Variants in ZC3H12B observed in about 807,000 individuals in gnomAD.
ZC3H12B encodes the protein probable ribonuclease ZC3H12B.
ZC3H12B carries 7 observed loss-of-function variants against 43.9 expected under a neutral mutation model. The ratio of observed to expected loss-of-function variants is 0.16; its 90% CI spans 0.09 to 0.30. The LOEUF is 0.30. Ranked by LOEUF, ZC3H12B falls within the 10% of genes least tolerant of loss-of-function variation. The pLI is 1.00. For synonymous variants in ZC3H12B, 222 were observed against 241.7 expected (o/e 0.92, Z 0.76); for missense variants, 475 against 670.2 (o/e 0.71, Z 3.22).
At chrX:65,190,803 C>A in the ZC3H12B span, among the ~76,000 whole-genome samples, 1 of 104,804 alleles carries the variant, frequency 9.5e-6, no homozygotes, top group Non-Finnish European at 1.9e-5. Flanking sequence ...CTTCTCCTGC[C>A]TAATTGCCCT....
At chrX:65,348,409 A>G in the ZC3H12B span, among the ~76,000 whole-genome samples, 1 of 111,723 alleles carries the variant, frequency 9.0e-6, no homozygotes, top group Non-Finnish European at 1.9e-5. Context: ...CTCCAGAAAC[A>G]TACCAAATTG....
chrX:65,448,020 C>T (rs1422907222), intron 3 of ZC3H12B, among the ~76,000 whole-genome samples: 1 of 110,768 alleles, frequency 9.0e-6, no homozygotes, highest in Non-Finnish European at 1.9e-5. Context: ...ATCACGAGGT[C>T]AGGAGATCGA....
At chrX:65,378,801 C>A (rs898426973) in intron 2 of ZC3H12B, among the ~76,000 whole-genome samples, 2 of 112,757 alleles carry the variant, frequency 1.8e-5, no homozygotes, top group African/African-American at 3.2e-5. Flanking sequence ...TCGGGAAGTG[C>A]AAGGGGTCAG....
At chrX:65,252,547 G>A in the ZC3H12B span, among the ~76,000 whole-genome samples, 1 of 111,638 alleles carries the variant, frequency 9.0e-6, no homozygotes, top group Non-Finnish European at 1.9e-5. Context: ...AAACTTAAGG[G>A]AATTTCCAAA....
chrX:65,199,794 GTAGCTGCAGTATAC>G, the ZC3H12B span, among the ~76,000 whole-genome samples: 3 of 65,197 alleles, frequency 4.6e-5, no homozygotes, highest in African/African-American at 1.2e-4. Flanking sequence ...TTTTTTTTTT[GTAGCTGCAGTATAC>G]CATGGTGTAT....
chrX:65,337,880 C>G, the ZC3H12B span, among the ~76,000 whole-genome samples: 1 of 112,468 alleles, frequency 8.9e-6, no homozygotes, highest in Non-Finnish European at 1.9e-5. Flanking sequence ...TTAGTACTCA[C>G]AAGGGGATAT....
chrX:65,226,360 G>T, the ZC3H12B span, among the ~76,000 whole-genome samples: 1 of 111,150 alleles, frequency 9.0e-6, no homozygotes, highest in Non-Finnish European at 1.9e-5. Context: ...CTAAAAGAGC[G>T]CCTGAAGGAA....
chrX:65,212,170 A>AATATAAT, the ZC3H12B span, among the ~76,000 whole-genome samples: 1 of 48,895 alleles, frequency 2.0e-5, no homozygotes, highest in African/African-American at 8.3e-5. Flanking sequence ...TATAATATAT[A>AATATAAT]ATATTATATA....
At chrX:65,212,863 C>T in the ZC3H12B span, among the ~76,000 whole-genome samples, 1 of 105,457 alleles carries the variant, frequency 9.5e-6, no homozygotes, top group Non-Finnish European at 1.9e-5. Context: ...CTGGAATGTA[C>T]TGGATAGTCT....
At chrX:65,291,003 G>A in the ZC3H12B span, among the ~76,000 whole-genome samples, 1 of 111,315 alleles carries the variant, frequency 9.0e-6, no homozygotes, top group African/African-American at 3.3e-5. Context: ...TAAATACCGT[G>A]ACTTGATCAC....
the ZC3H12B span, among the ~76,000 whole-genome samples, chrX:65,162,797 C>G: frequency 9.8e-5 from 11 of 112,491 alleles, no homozygotes; most frequent in African/African-American, 3.6e-4. Context: ...CAGCTTTGCT[C>G]CTTTGCTGGT....
exon 1 of ZC3H12B, chrX:65,488,753 G>T: frequency 9.1e-7 from 1 of 1,104,051 alleles, no homozygotes; most frequent in Non-Finnish European, 1.2e-6. Flanking sequence ...TTCCAAGCAG[G>T]CTAAAAAGAA....
intron 2 of ZC3H12B, among the ~76,000 whole-genome samples, chrX:65,373,894 A>ATATATAT (rs1569379584): frequency 6.3e-5 from 1 of 15,865 alleles, no homozygotes; most frequent in Non-Finnish European, 8.4e-5. Flanking sequence ...AAAGTATAGT[A>ATATATAT]ATATATATAT....
intron 3 of ZC3H12B, among the ~76,000 whole-genome samples, chrX:65,401,751 C>T (rs1405647206): frequency 8.9e-6 from 1 of 111,877 alleles, no homozygotes; most frequent in Non-Finnish European, 1.9e-5. Context: ...ACCTCAGCCA[C>T]AGCAGAATAG....
the ZC3H12B span, among the ~76,000 whole-genome samples, chrX:65,037,640 A>AT: frequency 4.8e-3 from 522 of 109,862 alleles, 2 homozygotes; most frequent in East Asian, 0.016. Flanking sequence ...TAACCTGTAC[A>AT]TTTTTTTTTA....
chrX:65,399,899 G>C (rs1324168749), intron 3 of ZC3H12B, among the ~76,000 whole-genome samples: 1 of 111,330 alleles, frequency 9.0e-6, no homozygotes, highest in African/African-American at 3.3e-5. Context: ...GGAACTGGGG[G>C]TCATTATGTT....
chrX:65,086,352 T>C, the ZC3H12B span, among the ~76,000 whole-genome samples: 1 of 111,753 alleles, frequency 8.9e-6, no homozygotes, highest in African/African-American at 3.2e-5. Context: ...GTTTGAGAAA[T>C]TTCCTTGTAA....
chrX:65,048,945 C>T, the ZC3H12B span, among the ~76,000 whole-genome samples: 26 of 111,633 alleles, frequency 2.3e-4, no homozygotes, highest in East Asian at 6.4e-3. Flanking sequence ...AGCATCTTTT[C>T]ATATACTTCT....
intron 2 of ZC3H12B, among the ~76,000 whole-genome samples, chrX:65,392,987 G>C (rs940686526): frequency 2.7e-5 from 3 of 111,668 alleles, no homozygotes; most frequent in African/African-American, 9.8e-5. Flanking sequence ...GTCAACTCAG[G>C]GTTAAATGGA....
Sources: gnomAD v4.1 joint callset for allele counts (sites outside exome capture counted in the v4.1 genomes callset) on GRCh38, gnomAD v4.1.1 for gene constraint, MANE v1.5 for transcripts, NCBI Gene and HGNC (gene_info 2026-07-23, HGNC 2026-07-21) for gene names.